The following KIF1A variants were observed in gnomAD, a reference collection of about 807,000 sequenced individuals.
The protein encoded by KIF1A is kinesin family member 1A.
A neutral mutation model predicts 227.3 loss-of-function variants in KIF1A; 46 were observed. That is an observed-to-expected ratio of 0.20 (90% CI 0.16 to 0.26). The LOEUF (loss-of-function observed/expected upper bound fraction) is 0.26. Ranked by LOEUF, KIF1A falls within the 10% of genes least tolerant of loss-of-function variation. The pLI is 1.00. For missense variants in KIF1A, 1,683 were observed against 2,485.9 expected (o/e 0.68, Z 6.87); for synonymous variants, 1,022 against 1,012.8 (o/e 1.01, Z -0.17).
chr2:240,737,409 G>A (rs182999785), intron 37 of KIF1A: 99 of 396,040 alleles, frequency 2.5e-4, no homozygotes, highest in African/African-American at 5.0e-4. Flanking sequence ...GAACACCCCC[G>A]TATACACACA....
At chr2:240,781,487 A>ACAGC (rs2054001583) in intron 10 of KIF1A, among the ~76,000 whole-genome samples, 1 of 91,624 alleles carries the variant, frequency 1.1e-5, no homozygotes. Flanking sequence ...ACACACACAC[A>ACAGC]GCTCCACACA....
Position 240,739,020 on chromosome 2 carries a change from G to C in KIF1A, c.3901+1038C>G, listed in dbSNP as rs909646850. ...CTTAGGCTTGCCCTAAACAACCTCT[G>C]AAAGGAGGGTTTGGGTGCTTGTTCC... On this transcript the variant is annotated intron_variant, in intron 37 of 48. Transcript: ENST00000498729. This position sits in a 1 kb window ranked among gnomAD's most constrained non-coding sequence, Gnocchi z 5.6. Among the ~76,000 whole-genome samples, 8 of 152,252 alleles carry C rather than the reference G, an allele frequency of 5.3e-5. No homozygotes were observed. Among genetic ancestry groups the C allele is most frequent in the African/African-American group, 1.9e-4 (8 of 41,466 alleles).
chr2:240,722,512 C>A lies in KIF1A; in HGVS notation c.4609G>T (p.Gly1537Cys). 6.5e-7 allele frequency: 1 copy of A among 1,548,242 alleles called. No homozygotes were observed. The highest frequency in any genetic ancestry group is 8.7e-7 in the Non-Finnish European group (1 of 1,146,802). The change falls in exon 43 of 49, where the codon GGC (glycine) becomes TGC (cysteine). Residue 1537 changes from glycine (G) to cysteine (C), a missense_variant. Coordinates refer to ENST00000498729, the MANE Select transcript of KIF1A (RefSeq NM_001244008.2). The stretch of plus-strand genomic sequence containing the variant: ...GGAGCCTCCAGGGGTGATGGGCGGC[C>A]CTCAGCCGAGAGCGGGGAGGAGGCG... The part of the protein sequence containing the change: ...SSASSPLSAE[G>C]RPSPLEAPNE...
At chr2:240,761,730 C>T (rs1274497453) in intron 23 of KIF1A, among the ~76,000 whole-genome samples, 1 of 152,214 alleles carries the variant, frequency 6.6e-6, no homozygotes, top group Non-Finnish European at 1.5e-5. Context: ...CAGTGAGCAA[C>T]ATGAAAAGCT....
chr2:240,724,271 C>T (rs891826472), intron 40 of KIF1A: 14 of 570,770 alleles, frequency 2.5e-5, no homozygotes, highest in African/African-American at 1.7e-4. Flanking sequence ...GGGGCTGTGA[C>T]GTGAGGCCAG....
chr2:240,738,361 A>G (rs2047592248), intron 37 of KIF1A, among the ~76,000 whole-genome samples: 2 of 152,088 alleles, frequency 1.3e-5, no homozygotes, highest in South Asian at 2.1e-4. Flanking sequence ...CTGCTCATGG[A>G]CACCCGGGGT....
At chr2:240,791,421 C>T (rs1335513222) in intron 2 of KIF1A, among the ~76,000 whole-genome samples, 5 of 145,002 alleles carry the variant, frequency 3.4e-5, no homozygotes, top group African/African-American at 1.0e-4. Context: ...CCCATCCCCA[C>T]ACCCCTTCCT....
Position 240,783,034 on chromosome 2 carries a change from G to A in KIF1A, c.864+10C>T. The A allele has an allele frequency of 6.2e-7, 1 of 1,610,438 alleles. No homozygotes were observed. Among genetic ancestry groups the A allele is most frequent in the Non-Finnish European group, 8.5e-7 (1 of 1,176,982 alleles). On this transcript the variant is annotated intron_variant, in intron 9 of 48. Coordinates refer to ENST00000498729, the MANE Select transcript of KIF1A (RefSeq NM_001244008.2). ...GGTTCTGGCTATGGAAGCCGGGCCG[G>A]GCCACTCACCATTTCAGCCAGGGCG...
In KIF1A at chr2:240,725,567, T is replaced by C; in HGVS notation, c.4123-163A>G. 1 of 715,394 alleles carries C rather than the reference T, an allele frequency of 1.4e-6. No individual in the cohort carries two copies. Among genetic ancestry groups the C allele is most frequent in the Non-Finnish European group, 2.2e-6 (1 of 445,816 alleles). 44.3% of individuals were successfully genotyped at this position (715,394 alleles called of 1,614,324 possible). A position where few individuals can be genotyped will look rare whatever the true frequency, so the allele number is the denominator to read the frequency against. Reference sequence around the variant, plus strand: ...GACGCAGGCAGGAGAAAGTCTCTGCTCCTGCCCTCGAGAAAACCCCACTGG... The same window carrying C: ...GACGCAGGCAGGAGAAAGTCTCTGCCCCTGCCCTCGAGAAAACCCCACTGG... On this transcript the variant is annotated intron_variant, in intron 39 of 48. Transcript: ENST00000498729. The surrounding 1 kb of genome is among the most constrained non-coding windows in gnomAD (Gnocchi z 5.8).
chr2:240,741,859 G>A (rs994534513), intron 34 of KIF1A, among the ~76,000 whole-genome samples: 3 of 152,070 alleles, frequency 2.0e-5, no homozygotes, highest in Non-Finnish European at 4.4e-5. Flanking sequence ...AGCTCCCACT[G>A]ACCCTCCACT....
chr2:240,815,765 C>T lies in KIF1A; in HGVS notation c.-61+4357G>A, dbSNP rs548739918. 1.6e-3 allele frequency among the ~76,000 whole-genome samples: 238 copies of T among 152,292 alleles called. 2 individuals are homozygous for T. Among genetic ancestry groups the T allele is most frequent in the African/African-American group, 4.9e-3 (203 of 41,556 alleles). ...AAAGCACTAAAGGAGCTACCATCCT[C>T]GGAGTCCCAGGTCCTCACTTTACAA... On this transcript the variant is annotated intron_variant, in intron 1 of 48. Coordinates refer to ENST00000498729, the MANE Select transcript of KIF1A (RefSeq NM_001244008.2).
chr2:240,722,019 G>A (rs2045454118), intron 43 of KIF1A, 135 bp from the exon 44 acceptor site: 1 of 689,732 alleles, frequency 1.4e-6, no homozygotes, highest in Admixed American at 2.3e-5. Flanking sequence ...GTCAAGGTGG[G>A]CAGCACCTCC....
Position 240,770,985 on chromosome 2 carries a change from T to G in KIF1A, c.1327A>C (p.Ile443Leu). ...ILFAPGSEEAIERLKETEKII... is the reference protein window; with the variant it reads ...ILFAPGSEEALERLKETEKII... ...GGTGCCCTCACCTTCAGTCTTTCAA[T>G]GGCCTCCTCGCTGCCCGGGGCAAAC... Residue 443 changes from isoleucine (I) to leucine (L), a missense_variant, in exon 15 of 49, where the codon ATT (isoleucine) becomes CTT (leucine). By Grantham distance (5) the Ile-to-Leu change is conservative (BLOSUM62 2). Coordinates refer to ENST00000498729, the MANE Select transcript of KIF1A (RefSeq NM_001244008.2). 1 of 1,611,578 alleles carries G rather than the reference T, an allele frequency of 6.2e-7. No individual in the cohort carries two copies. The highest frequency in any genetic ancestry group is 1.1e-5 in the South Asian group (1 of 91,030).
intron 10 of KIF1A, among the ~76,000 whole-genome samples, chr2:240,780,770 CCACACACA>C (rs113684618): frequency 1.8e-4 from 13 of 71,368 alleles, no homozygotes; most frequent in Middle Eastern, 8.2e-3. Context: ...CCACACAGCT[CCACACACA>C]CACACACACA....
chr2:240,774,388 C>CT (rs2052455724), intron 11 of KIF1A, 127 bp from the exon 12 acceptor site: 8 of 380,306 alleles, frequency 2.1e-5, no homozygotes, highest in Admixed American at 3.8e-5. Context: ...GAGTCACAGG[C>CT]TTACCCCCCC....
At chr2:240,735,738 A>G (rs551691715) in intron 38 of KIF1A, among the ~76,000 whole-genome samples, 25 of 152,120 alleles carry the variant, frequency 1.6e-4, no homozygotes, top group Non-Finnish European at 2.9e-4. Context: ...GAGCATTCTC[A>G]TGGCGGCAGG....
chr2:240,718,060 C>T lies in KIF1A; in HGVS notation c.5323G>A (p.Gly1775Arg), dbSNP rs781422815. Residue 1775 changes from glycine to arginine, a missense_variant, in exon 48 of 49, where the codon GGG (glycine) becomes AGG (arginine). Coordinates refer to ENST00000498729, the MANE Select transcript of KIF1A (RefSeq NM_001244008.2). Reference sequence around the variant, plus strand: ...TGCAGGCGGCCCTACCGTATGGTCCCGGCCAGGAGGGGGTTGAAGGCGTAC... The same window carrying T: ...TGCAGGCGGCCCTACCGTATGGTCCTGGCCAGGAGGGGGTTGAAGGCGTAC... ...WLYAFNPLLA[G>R]TIRSKLSRRR... 2.5e-6 allele frequency: 4 copies of T among 1,607,410 alleles called. No homozygotes were observed. The highest frequency in any genetic ancestry group is 2.5e-6 in the Non-Finnish European group (3 of 1,176,932).
chr2:240,788,031 G>GCCC lies in KIF1A; in HGVS notation c.363+17_363+19dup. ...CGCCCCATCTGCCAGGGCTGCCCCC[G>GCCC]CCCGCCCCCCGCTTCGTGCCTGTGG... On this transcript the variant is annotated intron_variant, in intron 4 of 48. Transcript: ENST00000498729. The surrounding 1 kb of genome is among the most constrained non-coding windows in gnomAD (Gnocchi z 6.6). The GCCC allele has an allele frequency of 9.0e-6, 6 of 664,400 alleles. No individual in the cohort carries two copies. The highest frequency in any genetic ancestry group is 2.4e-5 in the South Asian group (1 of 40,988). 41.2% of individuals were successfully genotyped at this position (664,400 alleles called of 1,614,324 possible). A position where few individuals can be genotyped will look rare whatever the true frequency, so the allele number is the denominator to read the frequency against.
chr2:240,732,507 T>C lies in KIF1A; in HGVS notation c.4007+4556A>G, dbSNP rs146531981. ...GAGGAAAGGGTGAGAGGAGGAGGAA[T>C]TGAGTGAGGAAATAGGGTAAAATGA... On this transcript the variant is annotated intron_variant, in intron 38 of 48. Transcript: ENST00000498729. Among the ~76,000 whole-genome samples, 184 of 103,532 alleles carry C rather than the reference T, an allele frequency of 1.8e-3. No homozygotes were observed. In the Middle Eastern group the frequency reaches 0.027, roughly 15 times the overall value. 67.9% of individuals were successfully genotyped at this position (103,532 alleles called of 152,430 possible).
Sources: allele counts gnomAD v4.1 joint callset (sites outside exome capture counted in the v4.1 genomes callset), GRCh38; gene constraint gnomAD v4.1.1; non-coding constraint Gnocchi (gnomAD v3.1); transcripts MANE v1.5; gene names NCBI Gene and HGNC (gene_info 2026-07-23, HGNC 2026-07-21).